RASSF3: variants seen among roughly 807,000 people sequenced by gnomAD.
RASSF3 encodes the protein ras association domain-containing protein 3.
In RASSF3, 19 loss-of-function variants were observed where a neutral mutation model predicts 19.9. That is an observed-to-expected ratio of 0.96 (90% CI 0.67 to 1.40). The LOEUF (loss-of-function observed/expected upper bound fraction) is 1.40, where lower values mean the gene tolerates loss of function less well. Among genes scored for constraint, RASSF3 ranks in the 40% most tolerant of loss-of-function variants. The pLI is 0.00. For synonymous variants in RASSF3, 110 were observed against 104.2 expected (o/e 1.06, Z -0.34); for missense variants, 306 against 289.8 (o/e 1.06, Z -0.41).
chr12:64,662,054 A>G (rs924898798), intron 1 of RASSF3, among the ~76,000 whole-genome samples: 4 of 151,650 alleles, frequency 2.6e-5, no homozygotes, highest in Non-Finnish European at 4.4e-5. Flanking sequence ...GATGCTGGAG[A>G]CAAAAATGGA....
At chr12:64,663,943 A>G (rs1187276690) in intron 1 of RASSF3, among the ~76,000 whole-genome samples, 2 of 151,300 alleles carry the variant, frequency 1.3e-5, no homozygotes, top group Non-Finnish European at 2.9e-5. Context: ...TATATAAAAT[A>G]TAGAATATCT....
At chr12:64,549,942 G>C (rs1160445374) in intron 2 of RASSF3, among the ~76,000 whole-genome samples, 2 of 152,140 alleles carry the variant, frequency 1.3e-5, no homozygotes, top group African/African-American at 2.4e-5. Flanking sequence ...GCTTCTTTGT[G>C]TCTGTCAGAT....
At chr12:64,532,329 G>A (rs66814497), upstream of RASSF3, among the ~76,000 whole-genome samples, 13,659 of 151,898 alleles carry the variant, frequency 0.09, 729 homozygotes, top group Middle Eastern at 0.21. Context: ...TGGGAATTGT[G>A]ATCTAACCTA....
intron 1 of RASSF3, among the ~76,000 whole-genome samples, chr12:64,682,880 TC>T (rs1359421796): frequency 6.6e-6 from 1 of 152,202 alleles, no homozygotes; most frequent in Non-Finnish European, 1.5e-5. Context: ...GTTCTTCCTC[TC>T]TTTGTGTTGA....
At chr12:64,665,776 T>C (rs572787534) in intron 1 of RASSF3, among the ~76,000 whole-genome samples, 1 of 152,356 alleles carries the variant, frequency 6.6e-6, no homozygotes, top group African/African-American at 2.4e-5. Context: ...AGCTTAACAC[T>C]GCCACGTCAG....
At chr12:64,572,260 G>A (rs1351414459) in intron 2 of RASSF3, among the ~76,000 whole-genome samples, 2 of 151,880 alleles carry the variant, frequency 1.3e-5, no homozygotes, top group African/African-American at 2.4e-5. Flanking sequence ...ATTCGATTTA[G>A]ATGAGCCCAT....
chr12:64,596,549 G>A (rs139503674), intron 2 of RASSF3, among the ~76,000 whole-genome samples: 18 of 152,138 alleles, frequency 1.2e-4, no homozygotes, highest in Middle Eastern at 3.4e-3. Context: ...TGTGTCCCTC[G>A]CTAAATGACA....
chr12:64,640,187 T>C lies in RASSF3; in HGVS notation c.111+29444T>C, dbSNP rs55837927. ...GAGTATAATTGATATACCAGAAACCTGTACATATTTAATATATACAGTTTG... is the reference window on the plus strand; with the variant it reads ...GAGTATAATTGATATACCAGAAACCCGTACATATTTAATATATACAGTTTG... On this transcript the variant is annotated intron_variant, in intron 1 of 4. Coordinates refer to ENST00000542104, the MANE Select transcript of RASSF3 (RefSeq NM_178169.4). 7.0e-3 allele frequency among the ~76,000 whole-genome samples: 1,073 copies of C among 152,320 alleles called. 16 individuals carry two copies. Among genetic ancestry groups the C allele is most frequent in the African/African-American group, 0.025 (1,033 of 41,558 alleles).
intron 1 of RASSF3, among the ~76,000 whole-genome samples, chr12:64,653,892 A>G (rs540557355): frequency 4.6e-5 from 7 of 152,272 alleles, no homozygotes; most frequent in Admixed American, 3.9e-4. Context: ...TCTAGAGAGC[A>G]CTGCCTGCGG....
chr12:64,693,826 G>T (rs148036466), intron 4 of RASSF3, among the ~76,000 whole-genome samples: 4 of 152,228 alleles, frequency 2.6e-5, no homozygotes, highest in Non-Finnish European at 4.4e-5. Flanking sequence ...TCCAAATAGC[G>T]AGAAGTACGG....
intron 2 of RASSF3, among the ~76,000 whole-genome samples, chr12:64,579,685 A>G (rs1869656538): frequency 1.3e-5 from 2 of 151,810 alleles, no homozygotes; most frequent in Non-Finnish European, 1.5e-5. Flanking sequence ...ACAACTTTTT[A>G]TTAATGCTAT....
downstream of RASSF3, chr12:64,541,745 T>C (rs1306984998): frequency 2.3e-5 from 9 of 398,346 alleles, no homozygotes; most frequent in Non-Finnish European, 3.5e-5. Context: ...TGCGTTTCGG[T>C]CACTCCCATC....
chr12:64,684,915 T>A (rs763078769), intron 2 of RASSF3, 21 bp downstream of exon 2: 2 of 1,364,032 alleles, frequency 1.5e-6, no homozygotes, highest in African/African-American at 1.4e-5. Context: ...AAAATACTAT[T>A]TAGGTTGACA....
At chr12:64,684,013 A>AGTGTGTGTGTGTGTGTGT (rs10598381) in intron 1 of RASSF3, among the ~76,000 whole-genome samples, 24 of 138,468 alleles carry the variant, frequency 1.7e-4, no homozygotes, top group East Asian at 7.0e-4. Flanking sequence ...AGAGAGAGTG[A>AGTGTGTGTGTGTGTGTGT]GTGTGTGTGT....
chr12:64,579,809 G>GA (rs1869659642), intron 2 of RASSF3, among the ~76,000 whole-genome samples: 1 of 137,328 alleles, frequency 7.3e-6, no homozygotes, highest in South Asian at 2.3e-4. Flanking sequence ...GTTTTTTTGG[G>GA]TTTTTTTTTT....
rs1208202858 is a variant in RASSF3, at chr12:64,610,703, T to C, written c.71T>C (p.Phe24Ser). 1 of 1,594,894 alleles carries C rather than the reference T, an allele frequency of 6.3e-7. No homozygotes were observed. Among genetic ancestry groups the C allele is most frequent in the Non-Finnish European group, 8.5e-7 (1 of 1,172,408 alleles). ...TTCTTCACCGCCAGGACCTCCTTCT[T>C]CAGGAGAGCGCCCCAGGGCAAGCCC... ...DFFFTARTSF[F>S]RRAPQGKPRS... Residue 24 changes from phenylalanine (F) to serine (S), a missense_variant, in exon 1 of 5, where the codon TTC becomes TCC. Physicochemically the swap from Phe to Ser is radical, Grantham distance 155. Coordinates refer to ENST00000542104, the MANE Select transcript of RASSF3 (RefSeq NM_178169.4).
At position 64,552,434 on chromosome 12, in the gene RASSF3, G is replaced by A. The variant is rs532899908; in HGVS notation, c.294+10729G>A. On this transcript the variant is annotated intron_variant, in intron 2 of 5. Transcript: ENST00000637125. Reference sequence around the variant, plus strand: ...GTGCAGATTTGTTACATAGGCAGATGTGTGCCATGGCAGTTTGCTGCACCT... The same window carrying A: ...GTGCAGATTTGTTACATAGGCAGATATGTGCCATGGCAGTTTGCTGCACCT... Among the ~76,000 whole-genome samples, 4 of 152,250 alleles carry A rather than the reference G, an allele frequency of 2.6e-5. No homozygotes were observed. The South Asian group carries it at 8.3e-4, about 32-fold the overall frequency.
chr12:64,642,559 C>CAAAAAAA (rs67771603), intron 1 of RASSF3, among the ~76,000 whole-genome samples: 3 of 43,990 alleles, frequency 6.8e-5, no homozygotes, highest in African/African-American at 8.0e-5. Flanking sequence ...GACTCCATCT[C>CAAAAAAA]AAAAAAAAAA....
intron 1 of RASSF3, among the ~76,000 whole-genome samples, chr12:64,617,046 C>T (rs1411502414): frequency 1.3e-5 from 2 of 152,154 alleles, no homozygotes; most frequent in Non-Finnish European, 1.5e-5. Flanking sequence ...AAATGCTTGG[C>T]ACTTAAGGTG....
Sources: gnomAD v4.1 joint callset for allele counts (sites outside exome capture counted in the v4.1 genomes callset) on GRCh38, gnomAD v4.1.1 for gene constraint, MANE v1.5 for transcripts, NCBI Gene and HGNC (gene_info 2026-07-23, HGNC 2026-07-21) for gene names.